Variants in CDH11 observed in about 807,000 individuals in gnomAD.
CDH11 encodes the protein cadherin-11.
CDH11 carries 11 observed loss-of-function variants against 67.8 expected under a neutral mutation model. The ratio of observed to expected loss-of-function variants is 0.16; its 90% CI spans 0.10 to 0.27. CDH11 has a LOEUF of 0.27. Among genes scored for constraint, CDH11 ranks in the 10% least tolerant of loss-of-function variants. The pLI, the probability that CDH11 is intolerant of heterozygous loss-of-function variation, is 1.00. For missense variants in CDH11, 847 were observed against 1,031.2 expected (o/e 0.82, Z 2.45); for synonymous variants, 419 against 400.0 (o/e 1.05, Z -0.57).
At chr16:65,120,536 G>A (rs2075308419) in intron 1 of CDH11, among the ~76,000 whole-genome samples, 1 of 152,176 alleles carries the variant, frequency 6.6e-6, no homozygotes, top group African/African-American at 2.4e-5. Flanking sequence ...GGGAGACGAA[G>A]GGGGAAGACT....
chr16:65,048,872 T>TA (rs1264650247), intron 2 of CDH11, among the ~76,000 whole-genome samples: 4 of 151,858 alleles, frequency 2.6e-5, no homozygotes, highest in African/African-American at 7.3e-5. Context: ...TACACAGTCA[T>TA]AAAAAAAGAA....
chr16:64,948,095 A>C lies in CDH11; in HGVS notation c.1899T>G (p.Ile633Met). 1.2e-6 allele frequency: 2 copies of C among 1,610,658 alleles called. No individual in the cohort carries two copies. The highest frequency in any genetic ancestry group is 1.1e-5 in the South Asian group (1 of 90,958). Residue 633 changes from isoleucine to methionine, a missense_variant, in exon 13 of 13, where the codon ATT becomes ATG. By Grantham distance (10) the Ile-to-Met change is conservative. Coordinates refer to ENST00000268603, the MANE Select transcript of CDH11 (RefSeq NM_001797.4). ...ILACIVILLV[I>M]VVLFVTLRRQ... ...TTCTCAGGGTCACAAACAATACTAC[A>C]ATGACTGGAGGGAAAGAAAAAGAAG...
chr16:65,035,316 T>A (rs1248119622), intron 2 of CDH11, among the ~76,000 whole-genome samples: 1 of 152,214 alleles, frequency 6.6e-6, no homozygotes, highest in African/African-American at 2.4e-5. Context: ...ATCTTACAAA[T>A]GAGCGAAGTG....
At chr16:65,029,869 A>G (rs1442558063) in intron 2 of CDH11, among the ~76,000 whole-genome samples, 2 of 152,212 alleles carry the variant, frequency 1.3e-5, no homozygotes, top group African/African-American at 4.8e-5. Flanking sequence ...CATTGGAGGC[A>G]GACTTGGGAC....
At chr16:65,046,438 T>G (rs2073963656) in intron 2 of CDH11, among the ~76,000 whole-genome samples, 1 of 152,084 alleles carries the variant, frequency 6.6e-6, no homozygotes, top group African/African-American at 2.4e-5. Flanking sequence ...TAGGGATGGA[T>G]CCCCATCCTG....
chr16:65,081,278 C>T (rs1271821058), intron 1 of CDH11, among the ~76,000 whole-genome samples: 1 of 152,082 alleles, frequency 6.6e-6, no homozygotes, highest in East Asian at 1.9e-4. Flanking sequence ...AGGTAAGGAG[C>T]ATCTACAGGG....
At chr16:64,955,079 T>C (rs1393671824) in intron 11 of CDH11, among the ~76,000 whole-genome samples, 2 of 151,882 alleles carry the variant, frequency 1.3e-5, no homozygotes, top group East Asian at 3.9e-4. Context: ...ACACCGTCTC[T>C]ACTAAAAATA....
Position 64,944,329 on chromosome 16 carries a change from A to T in CDH11, c.*3274T>A, listed in dbSNP as rs35152. 52,845 of 232,462 alleles carry T rather than the reference A, an allele frequency of 0.23. 6,546 individuals are homozygous for T. The highest frequency in any genetic ancestry group is 0.28 in the Non-Finnish European group (32,928 of 117,624). The allele number at this position is 232,462 out of a possible 1,614,324, so 14.4% of individuals were successfully genotyped here. On this transcript the variant is annotated 3_prime_UTR_variant, in exon 13 of 13. Transcript: ENST00000268603. ...CAGACCAGGCTGATGGCAGTGCAAG[A>T]GCAGAGAAGTCTTTCCTCTTCTCCA...
At chr16:65,114,904 C>G (rs1248641932) in intron 1 of CDH11, among the ~76,000 whole-genome samples, 1 of 152,158 alleles carries the variant, frequency 6.6e-6, no homozygotes, top group Non-Finnish European at 1.5e-5. Context: ...AGGTCCAGGA[C>G]TTTTTCAGCC....
In CDH11 at chr16:64,982,298, C is replaced by T; in HGVS notation, c.1003G>A (p.Val335Ile). 2 of 1,610,472 alleles carry T rather than the reference C, an allele frequency of 1.2e-6. No individual in the cohort carries two copies. The highest frequency in any genetic ancestry group is 1.7e-6 in the Non-Finnish European group (2 of 1,177,584). The change falls in exon 8 of 13, where the codon GTA (valine) becomes ATA (isoleucine). Residue 335 changes from valine (V) to isoleucine (I), a missense_variant. Physicochemically the swap from Val to Ile is conservative, Grantham distance 29. This residue lies in a region of CDH11 where 612 missense variants were observed against 678.7 expected (regional missense o/e 0.90). Coordinates refer to ENST00000268603, the MANE Select transcript of CDH11 (RefSeq NM_001797.4). Reference sequence around the variant, plus strand: ...TAGGCTCTTTTGGTTTCAAAATCTACAGGCTGGCAAGAATGAAGAGAAGAT... The same window carrying T: ...TAGGCTCTTTTGGTTTCAAAATCTATAGGCTGGCAAGAATGAAGAGAAGAT... ...QEGVIKLKKP[V>I]DFETKRAYSL...
chr16:64,959,065 T>C (rs2071600839), intron 11 of CDH11, among the ~76,000 whole-genome samples: 1 of 152,142 alleles, frequency 6.6e-6, no homozygotes, highest in Non-Finnish European at 1.5e-5. Flanking sequence ...CTAATGAAAA[T>C]AATTTACCAA....
At chr16:65,011,097 TTA>T (rs891381501) in intron 2 of CDH11, among the ~76,000 whole-genome samples, 2 of 114,864 alleles carry the variant, frequency 1.7e-5, no homozygotes, top group Non-Finnish European at 1.8e-5. Context: ...CACATATTTT[TTA>T]TATATATATA....
At chr16:65,000,876 A>G (rs1405619893) in intron 3 of CDH11, among the ~76,000 whole-genome samples, 1 of 151,910 alleles carries the variant, frequency 6.6e-6, no homozygotes. Flanking sequence ...GCCATTTAAT[A>G]TTAACAATAT....
chr16:64,993,679 T>G (rs2072688639), intron 4 of CDH11, among the ~76,000 whole-genome samples: 1 of 152,082 alleles, frequency 6.6e-6, no homozygotes, highest in Non-Finnish European at 1.5e-5. Context: ...AGGGAAGCAT[T>G]CATGGGTCAG....
intron 1 of CDH11, among the ~76,000 whole-genome samples, chr16:65,113,539 A>T (rs2142888533): frequency 6.6e-6 from 1 of 152,254 alleles, no homozygotes; most frequent in South Asian, 2.1e-4. Context: ...AGCCCTCCTT[A>T]GAGAAAGTAG....
At chr16:65,117,189 T>C (rs944658585) in intron 1 of CDH11, among the ~76,000 whole-genome samples, 12 of 152,226 alleles carry the variant, frequency 7.9e-5, no homozygotes, top group Admixed American at 1.3e-4. Flanking sequence ...CCATTTGCAT[T>C]GATTCCTTCT....
chr16:64,965,309 G>A (rs1317196827), intron 11 of CDH11, among the ~76,000 whole-genome samples: 2 of 151,544 alleles, frequency 1.3e-5, no homozygotes, highest in Non-Finnish European at 2.9e-5. Flanking sequence ...TAAAATACGC[G>A]AGGTGGAGGC....
rs889330669 is a variant in CDH11, at chr16:64,968,581, G to A, written c.1642+2998C>T. The A allele has an allele frequency of 1.4e-5, 14 of 984,112 alleles. No individual in the cohort carries two copies. The Admixed American group carries it at 1.8e-4, about 13-fold the overall frequency. The allele number at this position is 984,112 out of a possible 1,614,324, so 61.0% of individuals were successfully genotyped here. A position where few individuals can be genotyped will look rare whatever the true frequency, so the allele number is the denominator to read the frequency against. On this transcript the variant is annotated intron_variant, in intron 11 of 12. Coordinates refer to ENST00000268603, the MANE Select transcript of CDH11 (RefSeq NM_001797.4). ...GGCTTTGAAGCTCGGGCTGCAGAAC[G>A]GAATAAGATAAAATGAAATAAAAAG... is the stretch of plus-strand genomic sequence containing the variant.
rs2142459586 is a variant in CDH11 at position 64,982,172 on chromosome 16, C to T, written c.1129G>A (p.Ala377Thr). The T allele has an allele frequency of 6.2e-7, 1 of 1,614,112 alleles. No homozygotes were observed. Among genetic ancestry groups the T allele is most frequent in the Non-Finnish European group, 8.5e-7 (1 of 1,180,004 alleles). Residue 377 changes from alanine to threonine, a missense_variant, in exon 8 of 13, where the codon GCT becomes ACT. Ala to Thr is a moderately conservative substitution (Grantham distance 58). Transcript: ENST00000268603. ...TVTVKISVED[A>T]DEPPMFLAPS... ...GCCAAGAACATAGGGGGCTCATCAG[C>T]ATCTTCTACTGAGATCTTGACGGTC...
Sources: allele counts gnomAD v4.1 joint callset (sites outside exome capture counted in the v4.1 genomes callset), GRCh38; gene constraint gnomAD v4.1.1; regional missense constraint gnomAD v4.1.1; transcripts MANE v1.5; gene names NCBI Gene and HGNC (gene_info 2026-07-23, HGNC 2026-07-21).